Variants in ZNF91 observed in about 807,000 individuals in gnomAD.
ZNF91 encodes the protein zinc finger protein 91 (HPF7, HTF10).
A neutral mutation model predicts 12.6 loss-of-function variants in ZNF91; 7 were observed. That is an observed-to-expected ratio of 0.55 (90% CI 0.31 to 1.04). ZNF91 has a LOEUF of 1.04. ZNF91 is among the 50% of genes least tolerant of loss of function. The pLI is 0.05. For synonymous variants in ZNF91, 453 were observed against 462.6 expected (o/e 0.98, Z 0.27); for missense variants, 1,217 against 1,385.4 (o/e 0.88, Z 1.93).
At chr19:23,392,239 T>C (rs1970089800) in intron 1 of ZNF91, among the ~76,000 whole-genome samples, 1 of 151,288 alleles carries the variant, frequency 6.6e-6, no homozygotes, top group Non-Finnish European at 1.5e-5. Context: ...CTACTAAAAA[T>C]ACACAAATTA....
intron 1 of ZNF91, among the ~76,000 whole-genome samples, 155 bp downstream of exon 1, chr19:23,395,170 T>C (rs777415948): frequency 2.0e-5 from 3 of 152,128 alleles, no homozygotes; most frequent in Non-Finnish European, 4.4e-5. Flanking sequence ...CGCCATCTTA[T>C]CGCTGAAGGG....
At chr19:23,350,320 TA>T (rs1968331285) in intron 3 of ZNF91, among the ~76,000 whole-genome samples, 1 of 152,146 alleles carries the variant, frequency 6.6e-6, no homozygotes, top group African/African-American at 2.4e-5. Context: ...TAGGGGGATT[TA>T]AAATGCTGGT....
rs1023337966 is a variant in ZNF91 at position 23,391,720 on chromosome 19, C to A, written c.30+3605G>T. Among the ~76,000 whole-genome samples the A allele has an allele frequency of 5.3e-5, 8 of 152,238 alleles. No homozygotes were observed. In the South Asian group the frequency reaches 1.0e-3, roughly 20 times the overall value. On this transcript the variant is annotated intron_variant, in intron 1 of 3. Transcript: ENST00000300619. ...CATCTGCGTGTGGGTTGCCAGCTTT[C>A]CAGGGCTCTGTAGATTGTCTCAGTA...
chr19:23,337,280 T>C (rs1361296523), downstream of ZNF91, among the ~76,000 whole-genome samples: 1 of 151,934 alleles, frequency 6.6e-6, no homozygotes, highest in East Asian at 1.9e-4. Flanking sequence ...CAATAAAACA[T>C]TTGTTTTATA....
At chr19:23,305,430 T>G (rs752983273) in intron 3 of ZNF91, among the ~76,000 whole-genome samples, 25 of 152,136 alleles carry the variant, frequency 1.6e-4, no homozygotes, top group Non-Finnish European at 3.1e-4. Flanking sequence ...TAGGTAATTC[T>G]GATCAGCCAA....
intron 3 of ZNF91, among the ~76,000 whole-genome samples, chr19:23,370,023 AAAAC>A (rs1335190858): frequency 1.2e-4 from 18 of 150,974 alleles, no homozygotes; most frequent in East Asian, 7.7e-4. Flanking sequence ...AAAAAAGCAA[AAAAC>A]AAACAAACAA....
At position 23,323,609 on chromosome 19, in the gene ZNF91, TCC is replaced by T. The variant is rs1031954690; in HGVS notation, n.117-14514_117-14513del. On this transcript the variant is annotated intron_variant and non_coding_transcript_variant, in intron 1 of 1. Transcript: ENST00000596528. ...ATCCTCCTTTTCCTTCTTTTCCTCC[TCC>T]TTTTCTCTTCTCCTTTCTCCTCCTC... 1.1e-4 allele frequency among the ~76,000 whole-genome samples: 13 copies of T among 120,608 alleles called. No homozygotes were observed. In the South Asian group the frequency reaches 2.1e-3, roughly 20 times the overall value. The allele number at this position is 120,608 out of a possible 152,430, so 79.1% of individuals were successfully genotyped here. A position where few individuals can be genotyped will look rare whatever the true frequency, so the allele number is the denominator to read the frequency against.
chr19:23,319,080 T>A (rs1467478438), intron 1 of ZNF91, among the ~76,000 whole-genome samples: 1 of 152,198 alleles, frequency 6.6e-6, no homozygotes, highest in Non-Finnish European at 1.5e-5. Flanking sequence ...CTCACCTAAA[T>A]GATGCAATCC....
chr19:23,334,659 G>A (rs1967974011), downstream of ZNF91, among the ~76,000 whole-genome samples: 1 of 152,154 alleles, frequency 6.6e-6, no homozygotes, highest in South Asian at 2.1e-4. Flanking sequence ...AAACTCCTTA[G>A]AGAGTAGACA....
At chr19:23,367,702 CAGAGT>C (rs1400613727) in intron 3 of ZNF91, among the ~76,000 whole-genome samples, 3 of 152,082 alleles carry the variant, frequency 2.0e-5, no homozygotes, top group South Asian at 2.1e-4. Context: ...GATGAAAGAA[CAGAGT>C]AGAGAGGCCA....
In ZNF91 at chr19:23,373,346, TTATATATATATATATATA is replaced by T. The variant is rs200251921; in HGVS notation, c.253+378_253+395del. On this transcript the variant is annotated intron_variant, in intron 3 of 3. Transcript: ENST00000300619. ...GTTGCTTTTTGTAGATCATGTAATCTTATATATATATATATATATATATATATATATATATATATAAAT... is the reference window on the plus strand; with the variant it reads ...GTTGCTTTTTGTAGATCATGTAATCTTATATATATATATATATATATAAAT... Among the ~76,000 whole-genome samples the T allele has an allele frequency of 6.6e-3, 569 of 85,804 alleles. 10 individuals are homozygous for T. The highest frequency in any genetic ancestry group is 0.021 in the African/African-American group (530 of 25,810). 56.3% of individuals were successfully genotyped at this position (85,804 alleles called of 152,430 possible). A position where few individuals can be genotyped will look rare whatever the true frequency, so the allele number is the denominator to read the frequency against.
chr19:23,387,151 T>C (rs141100968), intron 1 of ZNF91, among the ~76,000 whole-genome samples: 2 of 152,326 alleles, frequency 1.3e-5, no homozygotes, highest in Non-Finnish European at 2.9e-5. Flanking sequence ...ATAGATACTG[T>C]CAAGGTTTCA....
chr19:23,363,322 G>T (rs1010551927), intron 3 of ZNF91, among the ~76,000 whole-genome samples: 1 of 152,142 alleles, frequency 6.6e-6, no homozygotes, highest in Non-Finnish European at 1.5e-5. Flanking sequence ...AGTGTTGAAA[G>T]AAACCGTGGC....
At chr19:23,378,868 T>C (rs995190847) in intron 1 of ZNF91, among the ~76,000 whole-genome samples, 2 of 152,276 alleles carry the variant, frequency 1.3e-5, no homozygotes, top group Admixed American at 6.5e-5. Flanking sequence ...ACTATATGAA[T>C]TGGAAGCAAT....
rs1968640929 is a variant in ZNF91 at position 23,359,764 on chromosome 19, T to C, written c.3215A>G (p.His1072Arg). The C allele has an allele frequency of 6.2e-7, 1 of 1,614,100 alleles. No individual in the cohort carries two copies. The highest frequency in any genetic ancestry group is 8.5e-7 in the Non-Finnish European group (1 of 1,180,018). ...ACATTTGTAGGGTTTCTCTCTAGTA[T>C]GAATTCTCTTATGTCCATTTAGGGT... ...SSTLNGHKRI[H>R]TREKPYKCEE... The change falls in exon 4 of 4, where the codon CAT (histidine) becomes CGT (arginine). Residue 1072 changes from histidine to arginine, a missense_variant. This residue lies in a region of ZNF91 where 491 missense variants were observed against 489.8 expected (regional missense o/e 1.00). Coordinates refer to ENST00000300619, the MANE Select transcript of ZNF91 (RefSeq NM_003430.4).
At chr19:23,307,650 G>A (rs1327426929) in intron 2 of ZNF91, 1 of 152,182 alleles carries the variant, frequency 6.6e-6, no homozygotes, top group African/African-American at 2.4e-5. Flanking sequence ...ATACAGCTGA[G>A]CTCAGCTTCT....
intron 1 of ZNF91, among the ~76,000 whole-genome samples, chr19:23,377,034 T>C (rs560991530): frequency 2.0e-5 from 3 of 152,192 alleles, no homozygotes; most frequent in South Asian, 4.1e-4. Context: ...ACAGAAAAGA[T>C]TCAGAACAAT....
At chr19:23,350,031 T>A (rs1968325442) in intron 3 of ZNF91, among the ~76,000 whole-genome samples, 1 of 152,068 alleles carries the variant, frequency 6.6e-6, no homozygotes, top group Non-Finnish European at 1.5e-5. Context: ...CTAGAGATAA[T>A]CACTAACCAA....
upstream of ZNF91, among the ~76,000 whole-genome samples, chr19:23,311,699 C>T (rs764131526): frequency 5.3e-5 from 8 of 152,122 alleles, no homozygotes; most frequent in Non-Finnish European, 1.0e-4. Flanking sequence ...GAGATGGTGA[C>T]ACATCACTGA....
Sources: gnomAD v4.1 joint callset for allele counts (sites outside exome capture counted in the v4.1 genomes callset) on GRCh38, gnomAD v4.1.1 for gene constraint, gnomAD v4.1.1 regional missense constraint, MANE v1.5 for transcripts, NCBI Gene and HGNC (gene_info 2026-07-23, HGNC 2026-07-21) for gene names.